ZSWIM6: variants seen among roughly 807,000 people sequenced by gnomAD.
ZSWIM6 encodes zinc finger SWIM-type containing 6, also known as zinc finger SWIM domain-containing protein 6.
Under a neutral mutation model 113.2 loss-of-function variants are expected in ZSWIM6, and 9 were observed. The ratio of observed to expected loss-of-function variants is 0.08; its 90% CI spans 0.05 to 0.14. The LOEUF is 0.14. Among genes scored for constraint, ZSWIM6 ranks in the 10% least tolerant of loss-of-function variants. The pLI is 1.00. For synonymous variants in ZSWIM6, 611 were observed against 606.5 expected (o/e 1.01, Z -0.11); for missense variants, 1,162 against 1,552.2 (o/e 0.75, Z 4.22).
At chr5:61,437,703 C>T (rs1229362694) in intron 1 of ZSWIM6, among the ~76,000 whole-genome samples, 1 of 143,764 alleles carries the variant, frequency 7.0e-6, no homozygotes, top group Middle Eastern at 3.4e-3. Flanking sequence ...GTTGACAGAA[C>T]CAGACCCTTT....
At chr5:61,491,024 CTT>C in intron 3 of ZSWIM6, 90 bp downstream of exon 3, 1 of 1,266,084 alleles carries the variant, frequency 7.9e-7, no homozygotes. Flanking sequence ...AGGATAAAGA[CTT>C]TTAAAAATTA....
chr5:61,332,723 G>A lies in ZSWIM6; in HGVS notation c.451G>A (p.Gly151Ser). 2 of 967,068 alleles carry A rather than the reference G, an allele frequency of 2.1e-6. No individual in the cohort carries two copies. Among genetic ancestry groups the A allele is most frequent in the Non-Finnish European group, 2.4e-6 (2 of 818,994 alleles). The allele number at this position is 967,068 out of a possible 1,614,324, so 59.9% of individuals were successfully genotyped here. A position where few individuals can be genotyped will look rare whatever the true frequency, so the allele number is the denominator to read the frequency against. The change falls in exon 1 of 14, where the codon GGC (glycine) becomes AGC (serine). Residue 151 changes from glycine (G) to serine (S), a missense_variant. Coordinates refer to ENST00000252744, the MANE Select transcript of ZSWIM6 (RefSeq NM_020928.2). ...SGGGGGAGGG[G>S]GGGSSSSPAA... is the part of the protein sequence containing the mutation. ...TGGCGGCGGCGGCGCGGGCGGCGGC[G>A]GCGGCGGCGGCTCCTCGTCTTCCCC...
At position 61,545,896 on chromosome 5, in the gene ZSWIM6, T is replaced by C. The variant is rs1461059400; in HGVS notation, c.*1579T>C. 6.6e-6 allele frequency: 1 copy of C among 152,188 alleles called. No homozygotes were observed. Among genetic ancestry groups the C allele is most frequent in the East Asian group, 1.9e-4 (1 of 5,196 alleles). The allele number at this position is 152,188 out of a possible 1,614,324, so 9.4% of individuals were successfully genotyped here. ...TTTGGTGCAAAAGTTGTCCAGTGTCTCTTGTTCCCTTCACTAGAGAACATG... is the reference window on the plus strand; with the variant it reads ...TTTGGTGCAAAAGTTGTCCAGTGTCCCTTGTTCCCTTCACTAGAGAACATG... On this transcript the variant is annotated 3_prime_UTR_variant, in exon 14 of 14. Transcript: ENST00000252744.
intron 1 of ZSWIM6, 34 bp downstream of exon 1, chr5:61,332,982 G>A (rs1744296805): frequency 3.6e-6 from 4 of 1,118,496 alleles, no homozygotes; most frequent in East Asian, 7.9e-5. Flanking sequence ...CCGTCTGTCC[G>A]TCCGTCAGTC....
chr5:61,464,945 G>A (rs1414021325), intron 1 of ZSWIM6, among the ~76,000 whole-genome samples: 2 of 152,188 alleles, frequency 1.3e-5, no homozygotes, highest in African/African-American at 2.4e-5. Context: ...CTGCACTTCA[G>A]AATTTTGGGA....
rs1749814268 is a variant in ZSWIM6, at chr5:61,543,934, G to A, written c.3265G>A (p.Ala1089Thr). The change falls in exon 14 of 14, where the codon GCT becomes ACT. Residue 1089 changes from alanine to threonine, a missense_variant. Around this residue, in one of 4 missense-constraint regions of ZSWIM6, gnomAD observed 113 missense variants for 213.8 expected, o/e 0.53. Coordinates refer to ENST00000252744, the MANE Select transcript of ZSWIM6 (RefSeq NM_020928.2). The surrounding 1 kb of genome is among the most constrained non-coding windows in gnomAD (Gnocchi z 4.3). ...SHSLGKNELA[A>T]IIPLVVKSVK... is the part of the protein sequence containing the mutation. ...CTCCCTTGGTAAAAATGAGCTTGCA[G>A]CTATAATACCTCTGGTGGTCAAGAG... 7.1e-6 allele frequency: 11 copies of A among 1,551,862 alleles called. No homozygotes were observed. Among genetic ancestry groups the A allele is most frequent in the Non-Finnish European group, 9.6e-6 (11 of 1,147,022 alleles).
intron 1 of ZSWIM6, among the ~76,000 whole-genome samples, chr5:61,453,752 A>G (rs1747139060): frequency 6.6e-6 from 1 of 151,816 alleles, no homozygotes; most frequent in African/African-American, 2.4e-5. Context: ...GGGAGTCACC[A>G]AAGTCCAGTC....
intron 1 of ZSWIM6, among the ~76,000 whole-genome samples, chr5:61,388,257 A>C (rs961766005): frequency 6.6e-6 from 1 of 152,116 alleles, no homozygotes; most frequent in Non-Finnish European, 1.5e-5. Flanking sequence ...TGCTGGGATC[A>C]CAGGCATGAG....
At chr5:61,371,959 T>G (rs975431230) in intron 1 of ZSWIM6, among the ~76,000 whole-genome samples, 1 of 152,232 alleles carries the variant, frequency 6.6e-6, no homozygotes, top group Non-Finnish European at 1.5e-5. Flanking sequence ...GTGAATGTTC[T>G]AAAAGTTCCC....
At chr5:61,436,126 A>C in intron 1 of ZSWIM6, among the ~76,000 whole-genome samples, 1 of 151,756 alleles carries the variant, frequency 6.6e-6, no homozygotes, top group East Asian at 1.9e-4. Context: ...GCTTGAACCC[A>C]GGAGGCAGAA....
intron 1 of ZSWIM6, among the ~76,000 whole-genome samples, chr5:61,366,945 A>G (rs1247733554): frequency 2.0e-5 from 3 of 151,232 alleles, no homozygotes; most frequent in Admixed American, 6.6e-5. Flanking sequence ...AAAAAAAAAA[A>G]GGCACAGAAG....
intron 1 of ZSWIM6, among the ~76,000 whole-genome samples, chr5:61,350,235 A>G (rs1744752344): frequency 2.0e-5 from 3 of 152,178 alleles, no homozygotes; most frequent in African/African-American, 7.2e-5. Flanking sequence ...TCACTTGTAC[A>G]AGTGTTCCAG....
intron 2 of ZSWIM6, among the ~76,000 whole-genome samples, chr5:61,475,092 C>G (rs1747676849): frequency 6.6e-6 from 1 of 152,182 alleles, no homozygotes; most frequent in South Asian, 2.1e-4. Flanking sequence ...AAAATTCGGG[C>G]AGCTAATGGT....
intron 1 of ZSWIM6, among the ~76,000 whole-genome samples, chr5:61,455,264 G>T (rs1047868931): frequency 6.6e-6 from 1 of 151,882 alleles, no homozygotes; most frequent in African/African-American, 2.4e-5. Flanking sequence ...CTAGTTCATG[G>T]CACTTTTGTG....
At position 61,543,301 on chromosome 5, in the gene ZSWIM6, G is replaced by T. The variant is rs1749792360; in HGVS notation, c.2786-154G>T. On this transcript the variant is annotated intron_variant, in intron 13 of 13. Transcript: ENST00000252744. The surrounding 1 kb of genome is among the most constrained non-coding windows in gnomAD (Gnocchi z 4.3). The stretch of plus-strand genomic sequence containing the variant: ...ATTCATAATGACCTTATTCTTAAAG[G>T]TTTCTCACAGGCACATTACTTTACA... Among the ~76,000 whole-genome samples, 1 of 152,092 alleles carries T rather than the reference G, an allele frequency of 6.6e-6. No homozygotes were observed. Among genetic ancestry groups the T allele is most frequent in the African/African-American group, 2.4e-5 (1 of 41,400 alleles).
chr5:61,496,652 C>T (rs1207534184), intron 4 of ZSWIM6, among the ~76,000 whole-genome samples: 1 of 152,034 alleles, frequency 6.6e-6, no homozygotes, highest in Non-Finnish European at 1.5e-5. Context: ...ATTGGAAGCC[C>T]TTTAGCCACA....
At chr5:61,482,034 G>A (rs1159029899) in intron 2 of ZSWIM6, among the ~76,000 whole-genome samples, 1 of 152,116 alleles carries the variant, frequency 6.6e-6, no homozygotes, top group African/African-American at 2.4e-5. Context: ...CCAACGGTGG[G>A]AATATCTAAC....
intron 3 of ZSWIM6, among the ~76,000 whole-genome samples, chr5:61,491,549 G>T (rs901501357): frequency 1.3e-5 from 2 of 152,006 alleles, no homozygotes; most frequent in African/African-American, 4.8e-5. Flanking sequence ...ATTAAAAATT[G>T]ATGGCTCAAT....
chr5:61,535,658 A>C (rs1561283294), intron 10 of ZSWIM6, 39 bp downstream of exon 10: 3 of 1,548,272 alleles, frequency 1.9e-6, no homozygotes, highest in Non-Finnish European at 2.6e-6. Context: ...GGCAGGCCAC[A>C]TTCCCACTGG....
Sources: gnomAD v4.1 joint callset for allele counts (sites outside exome capture counted in the v4.1 genomes callset) on GRCh38, gnomAD v4.1.1 for gene constraint, gnomAD v4.1.1 regional missense constraint, Gnocchi (gnomAD v3.1) non-coding constraint, MANE v1.5 for transcripts, NCBI Gene and HGNC (gene_info 2026-07-23, HGNC 2026-07-21) for gene names.